IRAK1BP1: variants seen among roughly 807,000 people sequenced by gnomAD.
IRAK1BP1 encodes interleukin 1 receptor associated kinase 1 binding protein 1.
A neutral mutation model predicts 28.0 loss-of-function variants in IRAK1BP1; 24 were observed. That is an observed-to-expected ratio of 0.86 (90% confidence interval 0.62 to 1.20). The LOEUF is 1.20. IRAK1BP1 is among the 50% of genes most tolerant of loss of function. The probability of loss-of-function intolerance (pLI) is 0.00; values close to 1 mark genes in which losing one functional copy is unlikely to be tolerated. For synonymous variants in IRAK1BP1, 131 were observed against 116.3 expected (o/e 1.13, Z -0.81); for missense variants, 336 against 316.7 (o/e 1.06, Z -0.46).
chr6:78,909,606 C>G (rs1289657861), intron 4 of IRAK1BP1, among the ~76,000 whole-genome samples: 1 of 152,124 alleles, frequency 6.6e-6, no homozygotes, highest in South Asian at 2.1e-4. Flanking sequence ...CTGCTGGGTC[C>G]CCACATTTCA....
rs200967126 is a variant in IRAK1BP1, at chr6:78,898,006, A to C, written c.512+47A>C. On this transcript the variant is annotated intron_variant, in intron 3 of 3. Transcript: ENST00000369940. Reference sequence around the variant, plus strand: ...ACTAAGATATTCTTTAAACAAAACTATCCAGTGCTACATTTCATTGAGTGT... The same window carrying C: ...ACTAAGATATTCTTTAAACAAAACTCTCCAGTGCTACATTTCATTGAGTGT... The C allele has an allele frequency of 2.9e-5, 46 of 1,608,638 alleles. No homozygotes were observed. In the East Asian group the frequency reaches 9.8e-4, roughly 34 times the overall value.
intron 4 of IRAK1BP1, among the ~76,000 whole-genome samples, chr6:78,924,868 CAT>C (rs1277279222): frequency 2.0e-5 from 3 of 152,174 alleles, no homozygotes; most frequent in African/African-American, 7.2e-5. Context: ...GACATGCACA[CAT>C]ATGTTTATTG....
intron 2 of IRAK1BP1, among the ~76,000 whole-genome samples, chr6:78,887,275 A>G (rs1315431341): frequency 6.6e-6 from 1 of 152,248 alleles, no homozygotes; most frequent in East Asian, 1.9e-4. Context: ...CAAAAGGTAT[A>G]GAAAAAGGTG....
chr6:78,945,724 A>G (rs1190779074), exon 5 of IRAK1BP1: 1 of 600,524 alleles, frequency 1.7e-6, no homozygotes, highest in African/African-American at 1.9e-5. Flanking sequence ...TTTCGAAGGC[A>G]AGTCTTGGCA....
intron 4 of IRAK1BP1, chr6:78,940,602 C>T: frequency 7.0e-6 from 2 of 285,624 alleles, no homozygotes; most frequent in East Asian, 8.4e-5. Context: ...CCCTACTCCA[C>T]CACAGCAGCA....
chr6:78,926,348 C>T (rs1471921186), intron 4 of IRAK1BP1, among the ~76,000 whole-genome samples: 1 of 152,114 alleles, frequency 6.6e-6, no homozygotes, highest in East Asian at 1.9e-4. Flanking sequence ...AATCATTCTA[C>T]TAAAAGACAC....
the IRAK1BP1 span, among the ~76,000 whole-genome samples, chr6:78,967,286 A>C: frequency 6.6e-6 from 1 of 152,202 alleles, no homozygotes; most frequent in African/African-American, 2.4e-5. Context: ...AGTGACACTT[A>C]ACAAAAAGCT....
chr6:78,873,254 C>CAAAAAA (rs35962544), intron 1 of IRAK1BP1, among the ~76,000 whole-genome samples: 2 of 41,098 alleles, frequency 4.9e-5, no homozygotes, highest in Non-Finnish European at 8.1e-5. Flanking sequence ...AACTCTGTCT[C>CAAAAAA]AAAAAAAAAA....
At chr6:78,922,952 C>A (rs1048608275) in intron 4 of IRAK1BP1, among the ~76,000 whole-genome samples, 34 of 152,104 alleles carry the variant, frequency 2.2e-4, no homozygotes, top group Non-Finnish European at 2.8e-4. Flanking sequence ...ACAATCGGTA[C>A]CAGCCACTGC....
At chr6:78,881,358 C>G (rs1053914184) in intron 1 of IRAK1BP1, among the ~76,000 whole-genome samples, 1 of 152,098 alleles carries the variant, frequency 6.6e-6, no homozygotes, top group African/African-American at 2.4e-5. Flanking sequence ...GGTTAACAAT[C>G]TGTTGGAGGG....
At chr6:78,947,932 A>G (rs991990418), downstream of IRAK1BP1, among the ~76,000 whole-genome samples, 1 of 145,808 alleles carries the variant, frequency 6.9e-6, no homozygotes, top group South Asian at 2.4e-4. Context: ...TTTTCTAATA[A>G]TTCTTATTTA....
intron 4 of IRAK1BP1, among the ~76,000 whole-genome samples, chr6:78,912,335 A>G (rs577759073): frequency 1.3e-5 from 2 of 152,314 alleles, no homozygotes; most frequent in East Asian, 1.9e-4. Context: ...TCACAACATC[A>G]TTATTTTGAT....
chr6:78,952,052 T>TAGA, the IRAK1BP1 span, among the ~76,000 whole-genome samples: 1 of 152,220 alleles, frequency 6.6e-6, no homozygotes, highest in Non-Finnish European at 1.5e-5. Flanking sequence ...TTTTCACTCT[T>TAGA]ATTCTAGGTA....
the IRAK1BP1 span, among the ~76,000 whole-genome samples, chr6:78,951,970 G>A: frequency 6.6e-6 from 1 of 152,176 alleles, no homozygotes; most frequent in Non-Finnish European, 1.5e-5. Context: ...GCTTGGAGCA[G>A]TCTCAGGTCT....
At chr6:78,974,228 A>C in the IRAK1BP1 span, among the ~76,000 whole-genome samples, 1 of 152,212 alleles carries the variant, frequency 6.6e-6, no homozygotes, top group Non-Finnish European at 1.5e-5. Context: ...AATCTCACTC[A>C]AAACCGCTCA....
At chr6:78,941,247 C>G in intron 4 of IRAK1BP1, 1 of 1,613,498 alleles carries the variant, frequency 6.2e-7, no homozygotes, top group South Asian at 1.1e-5. Context: ...CTTCCAGGTC[C>G]CCTCTTCACA....
chr6:78,880,160 G>C (rs1163263346), intron 1 of IRAK1BP1, among the ~76,000 whole-genome samples: 1 of 152,204 alleles, frequency 6.6e-6, no homozygotes, highest in Non-Finnish European at 1.5e-5. Context: ...CCTTGGGATT[G>C]AAGATGAGTT....
chr6:78,904,960 A>G (rs1042882223), downstream of IRAK1BP1, among the ~76,000 whole-genome samples: 2 of 152,250 alleles, frequency 1.3e-5, no homozygotes, highest in African/African-American at 4.8e-5. Context: ...CATGTCGTCC[A>G]CAAAGAAATC....
At chr6:78,939,449 T>C (rs1273706042) in intron 4 of IRAK1BP1, 1 of 151,902 alleles carries the variant, frequency 6.6e-6, no homozygotes, top group Admixed American at 6.6e-5. Flanking sequence ...TTTTAACCTT[T>C]AATAATTGAA....
Sources: gnomAD v4.1 joint callset for allele counts (sites outside exome capture counted in the v4.1 genomes callset) on GRCh38, gnomAD v4.1.1 for gene constraint, MANE v1.5 for transcripts, NCBI Gene and HGNC (gene_info 2026-07-23, HGNC 2026-07-21) for gene names.